ATP11A: variants seen among roughly 807,000 people sequenced by gnomAD.
ATP11A encodes ATPase phospholipid transporting 11A.
Under a neutral mutation model 154.4 loss-of-function variants are expected in ATP11A, and 81 were observed. That is an observed-to-expected ratio of 0.52 (90% CI 0.44 to 0.63). The LOEUF is 0.63. Among genes scored for constraint, ATP11A ranks in the 30% least tolerant of loss-of-function variants. The pLI is 0.00. For missense variants in ATP11A, 1,316 were observed against 1,474.3 expected, an observed-to-expected ratio of 0.89 and a Z score of 1.76; for synonymous variants, 623 against 585.9, an observed-to-expected ratio of 1.06 and a Z score of -0.91.
At chr13:112,722,562 G>T (rs1022797921) in intron 1 of ATP11A, among the ~76,000 whole-genome samples, 11 of 152,170 alleles carry the variant, frequency 7.2e-5, no homozygotes, top group African/African-American at 2.4e-4. Flanking sequence ...AAGGAAGGAG[G>T]GGGTGAGGAG....
At chr13:112,748,513 G>A (rs1157710320) in intron 1 of ATP11A, among the ~76,000 whole-genome samples, 3 of 152,076 alleles carry the variant, frequency 2.0e-5, no homozygotes, top group African/African-American at 7.2e-5. Flanking sequence ...CTGTAGGTAT[G>A]CGCTCCCACA....
chr13:112,881,174 C>T, intron 29 of ATP11A: 1 of 988,812 alleles, frequency 1.0e-6, no homozygotes, highest in Non-Finnish European at 1.2e-6. Context: ...AGTGGGCTGA[C>T]CTGGGGACGG....
At chr13:112,847,591 C>G (rs757783096) in intron 17 of ATP11A, among the ~76,000 whole-genome samples, 1 of 152,232 alleles carries the variant, frequency 6.6e-6, no homozygotes, top group Non-Finnish European at 1.5e-5. Flanking sequence ...TATTTCTGGG[C>G]TCTCTGTTCC....
intron 1 of ATP11A, among the ~76,000 whole-genome samples, chr13:112,771,134 G>GCATTCTAACCC (rs2139944941): frequency 6.6e-6 from 1 of 152,342 alleles, no homozygotes; most frequent in East Asian, 1.9e-4. Context: ...GTCCCTGCAT[G>GCATTCTAACCC]CATTCTAACC....
At chr13:112,733,424 A>G (rs1167010945) in intron 1 of ATP11A, among the ~76,000 whole-genome samples, 1 of 152,248 alleles carries the variant, frequency 6.6e-6, no homozygotes, top group Non-Finnish European at 1.5e-5. Context: ...TGAAAGCCTC[A>G]GGTGTTAAGT....
At chr13:112,729,829 C>T (rs549856260) in intron 1 of ATP11A, among the ~76,000 whole-genome samples, 2 of 152,352 alleles carry the variant, frequency 1.3e-5, no homozygotes, top group East Asian at 3.9e-4. Context: ...AAAAAACGCG[C>T]AAACTGTTAA....
chr13:112,734,323 G>T (rs1467010393), intron 1 of ATP11A, among the ~76,000 whole-genome samples: 3 of 152,104 alleles, frequency 2.0e-5, no homozygotes, highest in Non-Finnish European at 4.4e-5. Context: ...CTTGAGAAAA[G>T]GGCCTTTCCT....
chr13:112,845,698 TGCTGGCACTAGCGGTACTA>T (rs2079575305), intron 17 of ATP11A, among the ~76,000 whole-genome samples: 1 of 117,718 alleles, frequency 8.5e-6, no homozygotes, highest in African/African-American at 4.7e-5. Context: ...CCAGTCCAGT[TGCTGGCACTAGCGGTACTA>T]ACCAGTCCAG....
chr13:112,827,359 C>T lies in ATP11A; in HGVS notation c.1221+468C>T, dbSNP rs1296996025. Reference sequence around the variant, plus strand: ...GGCTGCGGGAGCTCGGGCTTCACCGCCACACCTCGAGTGTCTCAGTCTGTG... The same window carrying T: ...GGCTGCGGGAGCTCGGGCTTCACCGTCACACCTCGAGTGTCTCAGTCTGTG... On this transcript the variant is annotated intron_variant, in intron 12 of 29. Transcript: ENST00000375645. Among the ~76,000 whole-genome samples, 5 of 152,376 alleles carry T rather than the reference C, an allele frequency of 3.3e-5. No individual in the cohort carries two copies. The East Asian group carries it at 9.6e-4, about 29-fold the overall frequency.
At position 112,765,180 on chromosome 13, in the gene ATP11A, C is replaced by A. The variant is rs547817442; in HGVS notation, c.40-19955C>A. 2.7e-5 allele frequency among the ~76,000 whole-genome samples: 4 copies of A among 147,938 alleles called. No homozygotes were observed. The South Asian group carries it at 8.7e-4, about 32-fold the overall frequency. ...CCCCGCCCCGGCTCTGGAAGCTTCT[C>A]CCCCTGGGTCTTCCAGTCTCATGTC... is the stretch of plus-strand genomic sequence containing the variant. On this transcript the variant is annotated intron_variant, in intron 1 of 29. Transcript: ENST00000375645.
At chr13:112,735,781 G>A (rs533064122) in intron 1 of ATP11A, among the ~76,000 whole-genome samples, 2 of 152,300 alleles carry the variant, frequency 1.3e-5, no homozygotes, top group East Asian at 1.9e-4. Flanking sequence ...ACCTAACATC[G>A]CTTACATTTC....
At position 112,804,045 on chromosome 13, in the gene ATP11A, C is replaced by CT. The variant is rs147885424; in HGVS notation, c.163-911dup. Among the ~76,000 whole-genome samples the CT allele has an allele frequency of 4.1e-3, 12 of 2,932 alleles. 4 individuals carry two copies. Among genetic ancestry groups the CT allele is most frequent in the Admixed American group, 0.011 (2 of 176 alleles). The allele number at this position is 2,932 out of a possible 152,430, so 1.9% of individuals were successfully genotyped here. A position where few individuals can be genotyped will look rare whatever the true frequency, so the allele number is the denominator to read the frequency against. On this transcript the variant is annotated intron_variant, in intron 2 of 29. Transcript: ENST00000375645. ...GCCATCCCCTCTCTGCCCTCCTTCC[C>CT]TCCTTTTCCTCCTTCCCTCCTTCAC...
chr13:112,706,074 T>C (rs991285571), intron 1 of ATP11A, among the ~76,000 whole-genome samples: 1 of 152,226 alleles, frequency 6.6e-6, no homozygotes, highest in African/African-American at 2.4e-5. Context: ...AGCTTGCTTT[T>C]TGGGCAACAC....
rs190592236 is a variant in ATP11A at position 112,696,351 on chromosome 13, C to G, written c.39+5896C>G. Reference sequence around the variant, plus strand: ...TCACGTGGAGAGTGGGTGACCTTGCCCTGCTCTCCCGGGGAGAGCGGTGGT... The same window carrying G: ...TCACGTGGAGAGTGGGTGACCTTGCGCTGCTCTCCCGGGGAGAGCGGTGGT... On this transcript the variant is annotated intron_variant, in intron 1 of 29. Coordinates refer to ENST00000375645, the MANE Select transcript of ATP11A (RefSeq NM_015205.3). The surrounding 1 kb of genome is among the most constrained non-coding windows in gnomAD (Gnocchi z 6.2). Among the ~76,000 whole-genome samples the G allele has an allele frequency of 4.9e-3, 742 of 152,270 alleles. 6 individuals are homozygous for G. Among genetic ancestry groups the G allele is most frequent in the African/African-American group, 0.017 (706 of 41,570 alleles).
intron 1 of ATP11A, among the ~76,000 whole-genome samples, chr13:112,724,093 A>C: frequency 3.1e-5 from 4 of 130,694 alleles, no homozygotes; most frequent in South Asian, 2.8e-4. Flanking sequence ...ACCAGCCCCT[A>C]TCGTCCCCAT....
chr13:112,710,130 C>T (rs1024974659), intron 1 of ATP11A, among the ~76,000 whole-genome samples: 17 of 152,234 alleles, frequency 1.1e-4, no homozygotes, highest in Non-Finnish European at 2.4e-4. Context: ...CTCAGCATCA[C>T]GGGGAGGCCG....
intron 17 of ATP11A, among the ~76,000 whole-genome samples, chr13:112,843,577 G>T (rs1443544792): frequency 1.3e-5 from 2 of 152,208 alleles, no homozygotes; most frequent in Non-Finnish European, 2.9e-5. Context: ...TCCAAGGCTG[G>T]CTCTGCACCA....
chr13:112,786,668 G>A (rs1433808760), intron 2 of ATP11A, among the ~76,000 whole-genome samples: 5 of 148,044 alleles, frequency 3.4e-5, no homozygotes, highest in Non-Finnish European at 5.9e-5. Context: ...CGGAACGCAC[G>A]TGCCTGCATT....
rs373892132 is a variant in ATP11A at position 112,785,475 on chromosome 13, C to G, written c.162+218C>G. On this transcript the variant is annotated intron_variant, in intron 2 of 29. Coordinates refer to ENST00000375645, the MANE Select transcript of ATP11A (RefSeq NM_015205.3). This position sits in a 1 kb window ranked among gnomAD's most constrained non-coding sequence, Gnocchi z 4.8. ...GGAGGCTTTCCACCTGCCCAGGGCT[C>G]ACAGCGCAGTGTCTCCATTCTCGGG... is the stretch of plus-strand genomic sequence containing the variant. 2.1e-3 allele frequency among the ~76,000 whole-genome samples: 316 copies of G among 152,126 alleles called. 3 individuals are homozygous for G. The highest frequency in any genetic ancestry group is 7.4e-3 in the African/African-American group (306 of 41,524).
Sources: allele counts gnomAD v4.1 joint callset (sites outside exome capture counted in the v4.1 genomes callset), GRCh38; gene constraint gnomAD v4.1.1; non-coding constraint Gnocchi (gnomAD v3.1); transcripts MANE v1.5; gene names NCBI Gene and HGNC (gene_info 2026-07-23, HGNC 2026-07-21).